ZNF518A: variants seen among roughly 807,000 people sequenced by gnomAD.
ZNF518A encodes zinc finger protein 518A.
A neutral mutation model predicts 102.7 loss-of-function variants in ZNF518A; 47 were observed. The observed-to-expected ratio is 0.46, with a 90% CI of 0.36 to 0.58. The LOEUF (loss-of-function observed/expected upper bound fraction) is 0.58, where lower values mean the gene tolerates loss of function less well. Among genes scored for constraint, ZNF518A ranks in the 20% least tolerant of loss-of-function variants. The pLI is 0.00. For missense variants in ZNF518A, 1,793 were observed against 1,699.8 expected, an observed-to-expected ratio of 1.05 and a Z score of -0.96; for synonymous variants, 652 against 594.6, an observed-to-expected ratio of 1.10 and a Z score of -1.40.
rs587667574 is a variant in ZNF518A at position 96,190,122 on chromosome 10, C to T, written n.36-13452C>T. On this transcript the variant is annotated intron_variant and non_coding_transcript_variant, in intron 1 of 2. Transcript: ENST00000442635. ...ACTGGTGCTCATTTTCATCATTATCCACCTTAAAGTGATCATCTTTGTCGG... is the reference window on the plus strand; with the variant it reads ...ACTGGTGCTCATTTTCATCATTATCTACCTTAAAGTGATCATCTTTGTCGG... 13 of 999,046 alleles carry T rather than the reference C, an allele frequency of 1.3e-5. No homozygotes were observed. The African/African-American group carries it at 1.4e-4, about 11-fold the overall frequency. 61.9% of individuals were successfully genotyped at this position (999,046 alleles called of 1,614,324 possible).
At chr10:96,186,764 A>C (rs1554892626) in intron 1 of ZNF518A, among the ~76,000 whole-genome samples, 1 of 152,224 alleles carries the variant, frequency 6.6e-6, no homozygotes, top group Non-Finnish European at 1.5e-5. Flanking sequence ...AAGTTCACAC[A>C]ATCTGTTATT....
chr10:96,145,939 G>GA (rs2082152068), intron 3 of ZNF518A, among the ~76,000 whole-genome samples: 1 of 152,174 alleles, frequency 6.6e-6, no homozygotes, highest in Non-Finnish European at 1.5e-5. Flanking sequence ...GGTGATCTAA[G>GA]ACAGCATTTT....
intron 3 of ZNF518A, among the ~76,000 whole-genome samples, chr10:96,137,694 G>A (rs587734376): frequency 4.5e-4 from 69 of 152,252 alleles, no homozygotes; most frequent in African/African-American, 1.6e-3. Context: ...ATGTGTTATA[G>A]AATCTTGAGG....
intron 1 of ZNF518A, among the ~76,000 whole-genome samples, chr10:96,174,710 TACATTAGTA>T (rs2083193147): frequency 6.6e-6 from 1 of 151,658 alleles, no homozygotes; most frequent in African/African-American, 2.4e-5. Flanking sequence ...GGCTTCAGAA[TACATTAGTA>T]AAGTCTACCA....
At chr10:96,185,808 C>T (rs1039359344) in intron 1 of ZNF518A, among the ~76,000 whole-genome samples, 1 of 152,214 alleles carries the variant, frequency 6.6e-6, no homozygotes, top group Non-Finnish European at 1.5e-5. Context: ...TTTTGTTCAG[C>T]TATGCCCTGC....
At chr10:96,176,708 C>T (rs1191775991) in intron 1 of ZNF518A, among the ~76,000 whole-genome samples, 1 of 152,186 alleles carries the variant, frequency 6.6e-6, no homozygotes, top group African/African-American at 2.4e-5. Context: ...CCAGCCTGAC[C>T]AACATGGTGA....
In ZNF518A at chr10:96,158,200, G is replaced by A. The variant is rs1554884337; in HGVS notation, c.1878G>A (p.Glu626=). The A allele has an allele frequency of 6.2e-7, 1 of 1,613,622 alleles. No homozygotes were observed. Among genetic ancestry groups the A allele is most frequent in the South Asian group, 1.1e-5 (1 of 91,050 alleles). ...HNYCINYGNC[E]LPVESSNQGS... ...ATTGCATTAATTATGGCAACTGTGA[G>A]TTACCTGTTGAATCCTCCAACCAAG... Residue 626 remains glutamate (E), a synonymous_variant, in exon 6 of 6, where the codon GAG becomes GAA. Transcript: ENST00000316045.
In ZNF518A at chr10:96,132,272, G is replaced by A. The variant is rs1036845019; in HGVS notation, c.-452-314G>A. On this transcript the variant is annotated intron_variant, in intron 1 of 5. Transcript: ENST00000316045. The stretch of plus-strand genomic sequence containing the variant: ...ATGAGTATTAAGGGTTAGTATTGTG[G>A]TGGTAGGATAACTGAATTGGAACCG... Among the ~76,000 whole-genome samples the A allele has an allele frequency of 2.6e-5, 4 of 151,356 alleles. No individual in the cohort carries two copies. In the Admixed American group the frequency reaches 2.6e-4, roughly 10 times the overall value.
rs2082826081 is a variant in ZNF518A, at chr10:96,158,598, C to A, written c.2276C>A (p.Pro759His). Residue 759 changes from proline (P) to histidine (H), a missense_variant, in exon 6 of 6, where the codon CCT becomes CAT. Physicochemically the swap from Pro to His is moderately conservative, Grantham distance 77. Around this residue, in one of 3 missense-constraint regions of ZNF518A, gnomAD observed 1,741 missense variants for 1,622.6 expected, o/e 1.07. Coordinates refer to ENST00000316045, the MANE Select transcript of ZNF518A (RefSeq NM_001330736.2). Reference protein sequence around the residue: ...KWEDFSNVDSPMMPRITSVFS... With the variant: ...KWEDFSNVDSHMMPRITSVFS... ...GAAGACTTTTCTAATGTCGATTCAC[C>A]TATGATGCCTAGAATCACATCTGTT... The A allele has an allele frequency of 6.2e-7, 1 of 1,613,260 alleles. No individual in the cohort carries two copies. The highest frequency in any genetic ancestry group is 8.5e-7 in the Non-Finnish European group (1 of 1,179,642).
intron 1 of ZNF518A, among the ~76,000 whole-genome samples, chr10:96,199,019 A>G (rs7099517): frequency 0.038 from 5,860 of 152,274 alleles, 157 homozygotes; most frequent in African/African-American, 0.067. Context: ...TTTTGAATAT[A>G]AAGGAACTCA....
chr10:96,130,454 A>G lies in ZNF518A; in HGVS notation c.-751A>G, dbSNP rs983455355. ...TACATTCTAGGAGCTGGGTGGGAGT[A>G]GGAGACGGTGTGCCTCCGCGCTCCC... is the stretch of plus-strand genomic sequence containing the variant. On this transcript the variant is annotated 5_prime_UTR_variant, in exon 1 of 6. Transcript: ENST00000316045. 6.6e-6 allele frequency among the ~76,000 whole-genome samples: 1 copy of G among 152,220 alleles called. No individual in the cohort carries two copies. Among genetic ancestry groups the G allele is most frequent in the East Asian group, 1.9e-4 (1 of 5,192 alleles).
Position 96,160,858 on chromosome 10 carries a change from C to T in ZNF518A, c.*84C>T. ...TCAGTTACCATAATGCAGACATTTT[C>T]TACTTCAGTATAGTACCTGAAATCG... On this transcript the variant is annotated 3_prime_UTR_variant, in exon 6 of 6. Coordinates refer to ENST00000316045, the MANE Select transcript of ZNF518A (RefSeq NM_001330736.2). 1 of 1,368,524 alleles carries T rather than the reference C, an allele frequency of 7.3e-7. No homozygotes were observed. Among genetic ancestry groups the T allele is most frequent in the Non-Finnish European group, 9.7e-7 (1 of 1,034,062 alleles). 84.8% of individuals were successfully genotyped at this position (1,368,524 alleles called of 1,614,324 possible).
At chr10:96,152,513 A>G (rs2082498672) in intron 3 of ZNF518A, among the ~76,000 whole-genome samples, 1 of 152,224 alleles carries the variant, frequency 6.6e-6, no homozygotes, top group Non-Finnish European at 1.5e-5. Flanking sequence ...ATGTTTGTGT[A>G]TTAGTCAAGA....
chr10:96,168,168 G>A (rs587676693), downstream of ZNF518A, among the ~76,000 whole-genome samples: 1 of 152,306 alleles, frequency 6.6e-6, no homozygotes, highest in East Asian at 1.9e-4. Context: ...AAGGCCCCAT[G>A]CACAAGGGCA....
intron 1 of ZNF518A, chr10:96,191,876 T>C: frequency 1.3e-6 from 2 of 1,515,128 alleles, no homozygotes; most frequent in Non-Finnish European, 1.8e-6. Context: ...TACTGGATGA[T>C]TCATAATCCA....
chr10:96,161,369 T>A lies in ZNF518A; in HGVS notation c.*595T>A, dbSNP rs1554887943. 6.0e-6 allele frequency: 1 copy of A among 166,856 alleles called. No individual in the cohort carries two copies. Among genetic ancestry groups the A allele is most frequent in the East Asian group, 1.9e-4 (1 of 5,190 alleles). The allele number at this position is 166,856 out of a possible 1,614,324, so 10.3% of individuals were successfully genotyped here. On this transcript the variant is annotated 3_prime_UTR_variant, in exon 6 of 6. Coordinates refer to ENST00000316045, the MANE Select transcript of ZNF518A (RefSeq NM_001330736.2). ...GCTTGAAGAGTTTTTGGCAAGTAAA[T>A]TTTTTTTCCAGTTGAACTCTGTCAC...
rs1329496571 is a variant in ZNF518A, at chr10:96,161,518, GTTAAAGAACTTGAACATAT to G, written c.*747_*765del. 2 of 166,714 alleles carry G rather than the reference GTTAAAGAACTTGAACATAT, an allele frequency of 1.2e-5. No homozygotes were observed. Among genetic ancestry groups the G allele is most frequent in the Non-Finnish European group, 2.9e-5 (2 of 68,016 alleles). 10.3% of individuals were successfully genotyped at this position (166,714 alleles called of 1,614,324 possible). A position where few individuals can be genotyped will look rare whatever the true frequency, so the allele number is the denominator to read the frequency against. On this transcript the variant is annotated 3_prime_UTR_variant, in exon 6 of 6. Transcript: ENST00000316045. ...AACTCTTTGTCTCATTGAAAGTTTG[GTTAAAGAACTTGAACATAT>G]TTCTAAATTTGATTATATTCTCTGA... is the stretch of plus-strand genomic sequence containing the variant.
intron 1 of ZNF518A, among the ~76,000 whole-genome samples, chr10:96,171,763 T>A (rs587638271): frequency 3.3e-5 from 5 of 152,086 alleles, no homozygotes; most frequent in African/African-American, 1.2e-4. Context: ...GTCAAAGAAA[T>A]AATGACTAGA....
chr10:96,165,824 A>C (rs587653770), downstream of ZNF518A, among the ~76,000 whole-genome samples: 1 of 152,210 alleles, frequency 6.6e-6, no homozygotes, highest in Non-Finnish European at 1.5e-5. Context: ...ATACAGAACC[A>C]ATATGAGGGC....
Sources: gnomAD v4.1 joint callset for allele counts (sites outside exome capture counted in the v4.1 genomes callset) on GRCh38, gnomAD v4.1.1 for gene constraint, gnomAD v4.1.1 regional missense constraint, MANE v1.5 for transcripts, NCBI Gene and HGNC (gene_info 2026-07-23, HGNC 2026-07-21) for gene names.